LSAMP: variants seen among roughly 807,000 people sequenced by gnomAD.
LSAMP encodes limbic system-associated membrane protein.
Under a neutral mutation model 38.6 loss-of-function variants are expected in LSAMP, and 7 were observed. That is an observed-to-expected ratio of 0.18 (90% confidence interval 0.10 to 0.34). LSAMP has a LOEUF of 0.34. LSAMP is among the 10% of genes least tolerant of loss of function. The pLI is 1.00. For synonymous variants in LSAMP, 154 were observed against 166.8 expected (o/e 0.92, Z 0.59); for missense variants, 313 against 420.0 (o/e 0.75, Z 2.23).
chr3:116,132,468 G>A, intron 1 of LSAMP, among the ~76,000 whole-genome samples: 1 of 152,148 alleles, frequency 6.6e-6, no homozygotes, highest in Admixed American at 6.5e-5. Flanking sequence ...AATAAGCCAT[G>A]TTGATTCATC....
intron 3 of LSAMP, among the ~76,000 whole-genome samples, chr3:116,011,222 A>G (rs1940315457): frequency 6.6e-6 from 1 of 152,166 alleles, no homozygotes; most frequent in Non-Finnish European, 1.5e-5. Flanking sequence ...TTGCATTTTT[A>G]TAGATCTTAT....
rs777429111 is a variant in LSAMP at position 116,137,094 on chromosome 3, G to A, written c.156-50538C>T. On this transcript the variant is annotated intron_variant, in intron 1 of 6. Coordinates refer to ENST00000490035, the MANE Select transcript of LSAMP (RefSeq NM_002338.5). ...TTGGTGTTCCTGGTGTACAGACATA[G>A]CATTCCAATTGCTGCTGGATTCTTC... Among the ~76,000 whole-genome samples the A allele has an allele frequency of 1.2e-4, 19 of 152,170 alleles. No homozygotes were observed. In the Middle Eastern group the frequency reaches 0.014, roughly 109 times the overall value.
At chr3:116,296,276 T>G (rs1324778517) in intron 1 of LSAMP, among the ~76,000 whole-genome samples, 1 of 152,170 alleles carries the variant, frequency 6.6e-6, no homozygotes, top group Admixed American at 6.5e-5. Flanking sequence ...GTAAAAATAT[T>G]CTGCAAACAA....
At chr3:116,012,279 C>T (rs1474162237) in intron 3 of LSAMP, among the ~76,000 whole-genome samples, 3 of 152,064 alleles carry the variant, frequency 2.0e-5, no homozygotes, top group Non-Finnish European at 4.4e-5. Context: ...TATTTGTTTG[C>T]TTGTTTATTT....
intron 1 of LSAMP, among the ~76,000 whole-genome samples, chr3:116,213,702 A>G (rs1228848355): frequency 2.0e-5 from 3 of 152,246 alleles, no homozygotes; most frequent in African/African-American, 4.8e-5. Context: ...TGGTATATAT[A>G]CATACAATGG....
chr3:116,314,795 A>C (rs1035167687), intron 1 of LSAMP, among the ~76,000 whole-genome samples: 1 of 152,164 alleles, frequency 6.6e-6, no homozygotes, highest in South Asian at 2.1e-4. Context: ...ATCCAAAAAG[A>C]CCATATATAG....
intron 1 of LSAMP, among the ~76,000 whole-genome samples, chr3:116,262,218 G>A (rs2107659468): frequency 6.6e-6 from 1 of 152,158 alleles, no homozygotes; most frequent in Non-Finnish European, 1.5e-5. Flanking sequence ...TTCCCTATGT[G>A]AATGAAGTTA....
At chr3:116,319,105 A>G (rs1376822865) in intron 1 of LSAMP, among the ~76,000 whole-genome samples, 1 of 152,200 alleles carries the variant, frequency 6.6e-6, no homozygotes, top group Non-Finnish European at 1.5e-5. Context: ...AGTAAACTGA[A>G]TTCATGGATC....
chr3:116,033,635 G>A (rs898915441), intron 2 of LSAMP, among the ~76,000 whole-genome samples: 1 of 152,076 alleles, frequency 6.6e-6, no homozygotes, highest in Non-Finnish European at 1.5e-5. Context: ...GCACTCTAGC[G>A]AATGATTTCT....
intron 3 of LSAMP, among the ~76,000 whole-genome samples, chr3:116,017,586 T>A (rs1469023807): frequency 6.6e-6 from 1 of 152,070 alleles, no homozygotes; most frequent in African/African-American, 2.4e-5. Flanking sequence ...ATGTGTAATT[T>A]ATGTATAATA....
chr3:116,334,264 A>G (rs185038429), intron 1 of LSAMP, among the ~76,000 whole-genome samples: 3 of 152,230 alleles, frequency 2.0e-5, no homozygotes, highest in Non-Finnish European at 4.4e-5. Context: ...AAATCTTCTA[A>G]GAAATAAAAA....
chr3:115,990,098 T>C (rs1243099447), intron 3 of LSAMP, among the ~76,000 whole-genome samples: 1 of 152,048 alleles, frequency 6.6e-6, no homozygotes, highest in Non-Finnish European at 1.5e-5. Context: ...GAGAATCTAG[T>C]TCTTAACCAG....
At chr3:116,290,373 G>A (rs756176770) in intron 1 of LSAMP, among the ~76,000 whole-genome samples, 39 of 152,138 alleles carry the variant, frequency 2.6e-4, no homozygotes, top group Non-Finnish European at 4.9e-4. Context: ...ATTAAAAATT[G>A]AAATCTGTAA....
chr3:116,424,853 T>C (rs1037039098), intron 1 of LSAMP, among the ~76,000 whole-genome samples: 1 of 152,192 alleles, frequency 6.6e-6, no homozygotes, highest in Admixed American at 6.6e-5. Flanking sequence ...TATAATTTCA[T>C]TTATTCTGTA....
Position 115,808,121 on chromosome 3 carries a change from C to A in LSAMP, c.*2196G>T, listed in dbSNP as rs1933679111. On this transcript the variant is annotated 3_prime_UTR_variant, in exon 7 of 7. Transcript: ENST00000490035. ...TCCTTCCTTCCTTCCTCCCTCCCTC[C>A]CTCCCTCCCTCCCTCCCTCCCTCCC... The A allele has an allele frequency of 1.6e-5, 1 of 63,120 alleles. No individual in the cohort carries two copies. The highest frequency in any genetic ancestry group is 6.6e-5 in the African/African-American group (1 of 15,054). 3.9% of individuals were successfully genotyped at this position (63,120 alleles called of 1,614,324 possible).
chr3:116,439,074 C>A (rs929327560), intron 1 of LSAMP, among the ~76,000 whole-genome samples: 8 of 152,030 alleles, frequency 5.3e-5, no homozygotes, highest in African/African-American at 1.9e-4. Flanking sequence ...CATTAAAAAA[C>A]AAAAGAACGA....
chr3:116,445,155 A>G lies in LSAMP; in HGVS notation c.-124T>C, dbSNP rs2049494555. 1.1e-6 allele frequency: 1 copy of G among 936,364 alleles called. No homozygotes were observed. The highest frequency in any genetic ancestry group is 1.7e-5 in the South Asian group (1 of 59,316). The allele number at this position is 936,364 out of a possible 1,614,324, so 58.0% of individuals were successfully genotyped here. On this transcript the variant is annotated 5_prime_UTR_variant, in exon 1 of 7. Transcript: ENST00000490035. The stretch of plus-strand genomic sequence containing the variant: ...AGCGCAGAGCGGGCTTTGCCAGTTT[A>G]TGGTCCTTTCCACTTTGCCTCTCTC...
intron 1 of LSAMP, among the ~76,000 whole-genome samples, chr3:116,331,299 C>A (rs2047849394): frequency 6.6e-6 from 1 of 152,058 alleles, no homozygotes; most frequent in Non-Finnish European, 1.5e-5. Flanking sequence ...TATGGAAGTT[C>A]CAGATAGGGA....
At chr3:116,427,393 T>C (rs2049215723) in intron 1 of LSAMP, among the ~76,000 whole-genome samples, 1 of 152,150 alleles carries the variant, frequency 6.6e-6, no homozygotes, top group South Asian at 2.1e-4. Flanking sequence ...GTGCTGGGAT[T>C]ACAGGCGTGA....
Sources: gnomAD v4.1 joint callset for allele counts (sites outside exome capture counted in the v4.1 genomes callset) on GRCh38, gnomAD v4.1.1 for gene constraint, MANE v1.5 for transcripts, NCBI Gene and HGNC (gene_info 2026-07-23, HGNC 2026-07-21) for gene names.